Variants in PRKAR1B observed in about 807,000 individuals in gnomAD.
The protein encoded by PRKAR1B is protein kinase cAMP-dependent type I regulatory subunit beta.
Under a neutral mutation model 46.5 loss-of-function variants are expected in PRKAR1B, and 22 were observed. That is an observed-to-expected ratio of 0.47 (90% CI 0.34 to 0.68). The LOEUF is 0.68. Ranked by LOEUF, PRKAR1B falls within the 30% of genes least tolerant of loss-of-function variation. The pLI, the probability that PRKAR1B is intolerant of heterozygous loss-of-function variation, is 0.01. For synonymous variants in PRKAR1B, 259 were observed against 217.7 expected (o/e 1.19, Z -1.67); for missense variants, 445 against 535.6 (o/e 0.83, Z 1.67).
At chr7:598,711 C>T (rs146749117) in intron 6 of PRKAR1B, among the ~76,000 whole-genome samples, 21 of 152,340 alleles carry the variant, frequency 1.4e-4, no homozygotes, top group African/African-American at 4.8e-4. Context: ...TGCTGAGCCA[C>T]GAAAGCAGTG....
intron 5 of PRKAR1B, among the ~76,000 whole-genome samples, chr7:606,854 T>A (rs1343908309): frequency 1.3e-5 from 2 of 151,648 alleles, no homozygotes; most frequent in Non-Finnish European, 2.9e-5. Context: ...TACTTAGTTT[T>A]ATACATATAT....
intron 4 of PRKAR1B, among the ~76,000 whole-genome samples, chr7:660,103 G>C (rs1241838222): frequency 1.3e-5 from 2 of 151,902 alleles, no homozygotes; most frequent in Admixed American, 6.6e-5. Flanking sequence ...AGTCAGTGGG[G>C]AAGCGACTCC....
intron 4 of PRKAR1B, among the ~76,000 whole-genome samples, chr7:668,161 C>A (rs1449375018): frequency 6.6e-6 from 1 of 152,172 alleles, no homozygotes; most frequent in Non-Finnish European, 1.5e-5. Context: ...TTCTCTGCCG[C>A]ACTCTTCCTA....
intron 4 of PRKAR1B, among the ~76,000 whole-genome samples, chr7:650,575 C>T (rs1021017955): frequency 6.6e-6 from 1 of 152,238 alleles, no homozygotes; most frequent in Non-Finnish European, 1.5e-5. Context: ...CCCGCCCCTG[C>T]ACACGTCCCG....
intron 4 of PRKAR1B, among the ~76,000 whole-genome samples, chr7:665,496 C>T (rs1365737906): frequency 6.6e-6 from 1 of 152,232 alleles, no homozygotes; most frequent in Admixed American, 6.5e-5. Flanking sequence ...AGGCTTCAGC[C>T]TCCGTTGAAT....
intron 4 of PRKAR1B, among the ~76,000 whole-genome samples, chr7:650,089 A>G (rs1406344151): frequency 6.6e-6 from 1 of 150,468 alleles, no homozygotes; most frequent in Admixed American, 6.7e-5. Context: ...GAGCTCTGGG[A>G]TTACAGGCAT....
intron 4 of PRKAR1B, among the ~76,000 whole-genome samples, chr7:653,766 G>T (rs1183675478): frequency 6.6e-6 from 1 of 152,062 alleles, no homozygotes; most frequent in African/African-American, 2.4e-5. Flanking sequence ...CACAACAAGA[G>T]GCCAAATGGG....
At chr7:720,050 CTTTTTT>C (rs34254216) in intron 1 of PRKAR1B, among the ~76,000 whole-genome samples, 46 of 93,178 alleles carry the variant, frequency 4.9e-4, no homozygotes, top group African/African-American at 1.3e-3. Context: ...CTGTGCAAGT[CTTTTTT>C]TTTTTTTTTT....
chr7:640,914 G>T (rs1459077637), intron 4 of PRKAR1B, among the ~76,000 whole-genome samples: 3 of 152,024 alleles, frequency 2.0e-5, no homozygotes. Flanking sequence ...CTCATACGTT[G>T]CTGGTGGAAA....
At chr7:665,655 C>A (rs1785870108) in intron 4 of PRKAR1B, among the ~76,000 whole-genome samples, 1 of 152,224 alleles carries the variant, frequency 6.6e-6, no homozygotes, top group African/African-American at 2.4e-5. Flanking sequence ...TGAGGCCCTG[C>A]ATTTTCCAAA....
At chr7:682,223 G>A (rs1778725690) in intron 2 of PRKAR1B, among the ~76,000 whole-genome samples, 1 of 152,172 alleles carries the variant, frequency 6.6e-6, no homozygotes, top group South Asian at 2.1e-4. Context: ...GTGACCCTGA[G>A]TAAGTTGCTT....
chr7:630,141 T>G lies in PRKAR1B; in HGVS notation c.441-22689A>C, dbSNP rs1783651457. ...CAAAGCACAGGCCGGGCCTTGGAAGTGGAGCGCAGTGGAAGAGCCAGGCAC... is the reference window on the plus strand; with the variant it reads ...CAAAGCACAGGCCGGGCCTTGGAAGGGGAGCGCAGTGGAAGAGCCAGGCAC... On this transcript the variant is annotated intron_variant, in intron 4 of 10. Transcript: ENST00000537384. Among the ~76,000 whole-genome samples, 3 of 152,196 alleles carry G rather than the reference T, an allele frequency of 2.0e-5. No individual in the cohort carries two copies. The South Asian group carries it at 6.2e-4, about 31-fold the overall frequency.
chr7:570,881 C>G (rs1158180601), intron 9 of PRKAR1B, among the ~76,000 whole-genome samples: 1 of 152,032 alleles, frequency 6.6e-6, no homozygotes, highest in African/African-American at 2.4e-5. Context: ...GCCCAAGCGA[C>G]ACCACTCCCA....
intron 4 of PRKAR1B, among the ~76,000 whole-genome samples, chr7:632,854 C>CAGGCAT (rs1783834819): frequency 6.6e-6 from 1 of 151,846 alleles, no homozygotes; most frequent in East Asian, 1.9e-4. Flanking sequence ...TGCCCAGCCA[C>CAGGCAT]AGCCTCAAGG....
intron 4 of PRKAR1B, among the ~76,000 whole-genome samples, chr7:609,199 C>G (rs542520430): frequency 3.5e-4 from 53 of 152,288 alleles, no homozygotes; most frequent in Non-Finnish European, 6.5e-4. Flanking sequence ...CCCTGGTGCA[C>G]GCATCTGCAG....
In PRKAR1B at chr7:727,080, G is replaced by C. The variant is rs1562369494; in HGVS notation, c.-23+130C>G. ...ATGCCCTGCCGCGCCTGCTGCCCGC[G>C]CTCGCCGCGCGCTTGGCCGGCCCCG... On this transcript the variant is annotated intron_variant, in intron 1 of 10. Coordinates refer to ENST00000537384, the MANE Select transcript of PRKAR1B (RefSeq NM_001164760.2). 9.6e-7 allele frequency: 1 copy of C among 1,043,836 alleles called. No homozygotes were observed. The allele number at this position is 1,043,836 out of a possible 1,614,324, so 64.7% of individuals were successfully genotyped here.
chr7:725,272 C>T (rs1211245163), intron 1 of PRKAR1B, among the ~76,000 whole-genome samples: 2 of 150,714 alleles, frequency 1.3e-5, no homozygotes, highest in African/African-American at 4.9e-5. Flanking sequence ...CGAAGATCAA[C>T]AACAAAAAAG....
chr7:641,484 GA>G (rs1372945805), intron 4 of PRKAR1B, among the ~76,000 whole-genome samples: 1 of 152,124 alleles, frequency 6.6e-6, no homozygotes, highest in South Asian at 2.1e-4. Flanking sequence ...GCTCCAAAGC[GA>G]AAACAACCCA....
chr7:671,771 G>C (rs1362299999), intron 4 of PRKAR1B, among the ~76,000 whole-genome samples: 1 of 152,164 alleles, frequency 6.6e-6, no homozygotes, highest in African/African-American at 2.4e-5. Context: ...CAGGCAGCAG[G>C]TTCCTGCTGA....
Sources: allele counts gnomAD v4.1 joint callset (sites outside exome capture counted in the v4.1 genomes callset), GRCh38; gene constraint gnomAD v4.1.1; transcripts MANE v1.5; gene names NCBI Gene and HGNC (gene_info 2026-07-23, HGNC 2026-07-21).